Variants in MAP3K5 observed in about 807,000 individuals in gnomAD.
The protein encoded by MAP3K5 is mitogen-activated protein kinase kinase kinase 5, also known as ASK-1.
Under a neutral mutation model 158.7 loss-of-function variants are expected in MAP3K5, and 56 were observed. The observed-to-expected ratio is 0.35, with a 90% CI of 0.28 to 0.44. The LOEUF (loss-of-function observed/expected upper bound fraction) is 0.44. Ranked by LOEUF, MAP3K5 falls within the 20% of genes least tolerant of loss-of-function variation. The pLI is 1.00. For missense variants in MAP3K5, 1,294 were observed against 1,674.8 expected (o/e 0.77, Z 3.97); for synonymous variants, 579 against 601.7 (o/e 0.96, Z 0.55).
At chr6:136,732,351 G>A (rs1469568552) in intron 1 of MAP3K5, among the ~76,000 whole-genome samples, 1 of 152,166 alleles carries the variant, frequency 6.6e-6, no homozygotes, top group Non-Finnish European at 1.5e-5. Context: ...CTTGAACCCG[G>A]GAAGTGGAAG....
chr6:136,728,507 TCA>T, intron 1 of MAP3K5, among the ~76,000 whole-genome samples: 1 of 152,302 alleles, frequency 6.6e-6, no homozygotes, highest in South Asian at 2.1e-4. Context: ...CTTGAACTGG[TCA>T]CAGTTGGGCA....
chr6:136,741,503 A>G (rs565763361), intron 1 of MAP3K5, among the ~76,000 whole-genome samples: 35 of 150,838 alleles, frequency 2.3e-4, no homozygotes, highest in African/African-American at 7.8e-4. Context: ...GTGTTCAAAT[A>G]CCTACAAAAA....
rs1048272786 is a variant in MAP3K5 at position 136,603,821 on chromosome 6, C to T, written c.2679+1388G>A. 2.0e-4 allele frequency among the ~76,000 whole-genome samples: 30 copies of T among 152,360 alleles called. No homozygotes were observed. The South Asian group carries it at 5.4e-3, about 27-fold the overall frequency. On this transcript the variant is annotated intron_variant, in intron 19 of 29. Coordinates refer to ENST00000359015, the MANE Select transcript of MAP3K5 (RefSeq NM_005923.4). ...ATGGCAAGAAAGGCACCTCTCTTGG[C>T]ACCTGCCATTGCTCTCTGAGGTTTG...
At chr6:136,759,454 C>CTATACATATATATATATATATATATATA (rs1783642015) in intron 1 of MAP3K5, among the ~76,000 whole-genome samples, 1 of 98,126 alleles carries the variant, frequency 1.0e-5, no homozygotes. Flanking sequence ...TATACTAAAA[C>CTATACATATATATATATATATATATATA]TATATATATA....
chr6:136,687,195 T>C (rs550837132), intron 7 of MAP3K5, among the ~76,000 whole-genome samples: 2 of 152,302 alleles, frequency 1.3e-5, no homozygotes, highest in South Asian at 2.1e-4. Flanking sequence ...ATTTAATAAA[T>C]GGTGTTGGGT....
intron 1 of MAP3K5, among the ~76,000 whole-genome samples, chr6:136,751,968 T>G (rs1783229462): frequency 6.6e-6 from 1 of 152,178 alleles, no homozygotes; most frequent in South Asian, 2.1e-4. Flanking sequence ...TATAGAAACA[T>G]CTCTGGTATT....
At chr6:136,716,066 A>AAAAAAAAAAAAAC (rs1781513755) in intron 2 of MAP3K5, among the ~76,000 whole-genome samples, 1 of 138,966 alleles carries the variant, frequency 7.2e-6, no homozygotes, top group East Asian at 2.1e-4. Context: ...AAAAAAAAAA[A>AAAAAAAAAAAAAC]TTACAGCTGA....
At chr6:136,700,921 G>A (rs1381294493) in intron 3 of MAP3K5, among the ~76,000 whole-genome samples, 1 of 152,208 alleles carries the variant, frequency 6.6e-6, no homozygotes, top group Non-Finnish European at 1.5e-5. Flanking sequence ...AGCCATATGA[G>A]CATACGGAGA....
chr6:136,698,371 TC>T (rs1291185875), intron 4 of MAP3K5, 117 bp downstream of exon 4: 3 of 744,250 alleles, frequency 4.0e-6, no homozygotes, highest in South Asian at 3.9e-5. Flanking sequence ...ATAAACATTT[TC>T]CCCCTAGTTC....
chr6:136,645,237 A>G (rs565270883), intron 11 of MAP3K5, among the ~76,000 whole-genome samples: 2 of 152,258 alleles, frequency 1.3e-5, no homozygotes, highest in South Asian at 4.1e-4. Context: ...TCGGCCTGTA[A>G]TTTCTTGTAA....
chr6:136,581,810 G>C (rs1485276675), intron 24 of MAP3K5, among the ~76,000 whole-genome samples: 1 of 152,180 alleles, frequency 6.6e-6, no homozygotes, highest in Non-Finnish European at 1.5e-5. Flanking sequence ...GGCTGGACAT[G>C]GTGGCTCACG....
chr6:136,585,469 T>TTTTCTCTTTCTTTCTTTC (rs1775089285), intron 23 of MAP3K5, among the ~76,000 whole-genome samples: 1 of 131,426 alleles, frequency 7.6e-6, no homozygotes, highest in Non-Finnish European at 1.6e-5. Context: ...CTTTCTTTTC[T>TTTTCTCTTTCTTTCTTTC]TTTCTTTATT....
chr6:136,714,795 C>G (rs115261585), intron 2 of MAP3K5, among the ~76,000 whole-genome samples: 42 of 152,106 alleles, frequency 2.8e-4, no homozygotes, highest in African/African-American at 9.2e-4. Context: ...TTAAAATTTG[C>G]TGATTTTTAA....
chr6:136,741,293 C>T (rs755322960), intron 1 of MAP3K5, among the ~76,000 whole-genome samples: 10 of 152,076 alleles, frequency 6.6e-5, no homozygotes, highest in Non-Finnish European at 1.3e-4. Context: ...TTTTCCTATA[C>T]AATTTATTAT....
At chr6:136,672,008 T>C (rs1188590335) in intron 7 of MAP3K5, among the ~76,000 whole-genome samples, 1 of 152,170 alleles carries the variant, frequency 6.6e-6, no homozygotes, top group African/African-American at 2.4e-5. Context: ...ACATTAAACA[T>C]GTAATCAGAA....
intron 1 of MAP3K5, among the ~76,000 whole-genome samples, chr6:136,757,586 A>ATTTATTTTTTT (rs1562679223): frequency 1.6e-5 from 2 of 127,830 alleles, no homozygotes; most frequent in African/African-American, 3.1e-5. Flanking sequence ...TTTATTTTTT[A>ATTTATTTTTTT]TTTTTTTTTT....
intron 11 of MAP3K5, among the ~76,000 whole-genome samples, chr6:136,643,129 T>C (rs897889291): frequency 6.6e-6 from 1 of 152,158 alleles, no homozygotes; most frequent in African/African-American, 2.4e-5. Flanking sequence ...TTATGCAAAA[T>C]TCCATATGCT....
Position 136,697,396 on chromosome 6 carries a change from AAC to A in MAP3K5, c.807-11_807-10del. On this transcript the variant is annotated splice_polypyrimidine_tract_variant and intron_variant, in intron 4 of 29. Transcript: ENST00000359015. The stretch of plus-strand genomic sequence containing the variant: ...ATTCCCGGAAGTACTGGCTGGTAAA[AAC>A]ACACACATTTCAAAGAGTTTGACAT... 6.3e-7 allele frequency: 1 copy of A among 1,590,186 alleles called. No homozygotes were observed. The highest frequency in any genetic ancestry group is 1.1e-5 in the South Asian group (1 of 87,564).
rs950223040 is a variant in MAP3K5 at position 136,609,370 on chromosome 6, G to A, written c.2521+1912C>T. On this transcript the variant is annotated intron_variant, in intron 18 of 29. Transcript: ENST00000359015. The surrounding 1 kb of genome is among the most constrained non-coding windows in gnomAD (Gnocchi z 4.4). ...TGCCCTGAGGTGGGAGCTGGGCCAG[G>A]GGTATTGCTGACTGAATGCTCTAGG... Among the ~76,000 whole-genome samples, 7 of 152,082 alleles carry A rather than the reference G, an allele frequency of 4.6e-5. No homozygotes were observed. The highest frequency in any genetic ancestry group is 1.7e-4 in the African/African-American group (7 of 41,416).
Sources: gnomAD v4.1 joint callset for allele counts (sites outside exome capture counted in the v4.1 genomes callset) on GRCh38, gnomAD v4.1.1 for gene constraint, Gnocchi (gnomAD v3.1) non-coding constraint, MANE v1.5 for transcripts, NCBI Gene and HGNC (gene_info 2026-07-23, HGNC 2026-07-21) for gene names.